Variants in SLC6A5 observed in about 807,000 individuals in gnomAD.
The protein encoded by SLC6A5 is solute carrier family 6 member 5.
Under a neutral mutation model 90.5 loss-of-function variants are expected in SLC6A5, and 58 were observed. That is an observed-to-expected ratio of 0.64 (90% CI 0.52 to 0.80). The LOEUF is 0.80. Ranked by LOEUF, SLC6A5 falls within the 30% of genes least tolerant of loss-of-function variation. SLC6A5 has a pLI of 0.00. For missense variants in SLC6A5, 1,015 were observed against 1,017.6 expected (o/e 1.00, Z 0.03); for synonymous variants, 427 against 401.4 (o/e 1.06, Z -0.76).
chr11:20,612,145 A>C (rs1486704226), intron 5 of SLC6A5, among the ~76,000 whole-genome samples: 1 of 152,218 alleles, frequency 6.6e-6, no homozygotes, highest in Non-Finnish European at 1.5e-5. Flanking sequence ...CATTCTAAGA[A>C]ACTCTGCGGT....
intron 7 of SLC6A5, among the ~76,000 whole-genome samples, chr11:20,622,332 TA>T (rs1852907705): frequency 1.3e-5 from 2 of 152,174 alleles, no homozygotes; most frequent in East Asian, 3.9e-4. Flanking sequence ...AGCCAGTGCC[TA>T]GTGTGCAAAA....
At chr11:20,638,875 G>A (rs912114453) in intron 13 of SLC6A5, among the ~76,000 whole-genome samples, 2 of 152,182 alleles carry the variant, frequency 1.3e-5, no homozygotes, top group African/African-American at 4.8e-5. Flanking sequence ...AGATCAGAAA[G>A]GAGGAGGCTA....
At chr11:20,653,773 C>A (rs1336660402) in intron 15 of SLC6A5, among the ~76,000 whole-genome samples, 1 of 152,214 alleles carries the variant, frequency 6.6e-6, no homozygotes, top group African/African-American at 2.4e-5. Flanking sequence ...ACATAAGCCT[C>A]CCCACCAACT....
At chr11:20,651,822 G>A (rs1000076031) in intron 14 of SLC6A5, among the ~76,000 whole-genome samples, 4 of 151,832 alleles carry the variant, frequency 2.6e-5, no homozygotes, top group African/African-American at 4.8e-5. Flanking sequence ...CAGGAGAATC[G>A]CTTGAACCTG....
At chr11:20,614,983 G>A (rs113395206) in intron 6 of SLC6A5, among the ~76,000 whole-genome samples, 163 bp downstream of exon 6, 29 of 152,336 alleles carry the variant, frequency 1.9e-4, no homozygotes, top group African/African-American at 6.3e-4. Flanking sequence ...TGTGTCTTGT[G>A]AGCCTGGAAA....
At chr11:20,640,245 A>G (rs978959035) in intron 13 of SLC6A5, among the ~76,000 whole-genome samples, 8 of 152,310 alleles carry the variant, frequency 5.3e-5, no homozygotes, top group East Asian at 1.9e-4. Flanking sequence ...TCTCATTTAC[A>G]TCTTCTGTTA....
intron 7 of SLC6A5, among the ~76,000 whole-genome samples, chr11:20,625,948 G>A (rs1032524523): frequency 6.6e-6 from 1 of 152,212 alleles, no homozygotes; most frequent in Non-Finnish European, 1.5e-5. Context: ...TAGGTTAGGA[G>A]TCCCTTCATC....
chr11:20,620,092 A>G (rs10741847), intron 7 of SLC6A5, among the ~76,000 whole-genome samples: 107,401 of 152,128 alleles, frequency 0.71, 37,973 homozygotes, highest in South Asian at 0.78. Context: ...TATATACTCA[A>G]TCAAAATCCC....
intron 7 of SLC6A5, among the ~76,000 whole-genome samples, chr11:20,625,248 C>G (rs1450896714): frequency 6.6e-6 from 1 of 152,090 alleles, no homozygotes; most frequent in African/African-American, 2.4e-5. Flanking sequence ...GCTAATGTTA[C>G]CTCCCAAATG....
chr11:20,629,923 A>G (rs527761625), intron 9 of SLC6A5, among the ~76,000 whole-genome samples: 46 of 151,954 alleles, frequency 3.0e-4, no homozygotes, highest in Non-Finnish European at 5.9e-4. Context: ...GGGTTTCACC[A>G]TGTTGGTGAG....
At chr11:20,601,094 CTT>C (rs1852461858) in intron 1 of SLC6A5, 33 bp from the exon 2 acceptor site, 5 of 1,567,474 alleles carry the variant, frequency 3.2e-6, no homozygotes, top group Non-Finnish European at 4.3e-6. Context: ...GCTGTTGTGA[CTT>C]TGTTTTGCAC....
chr11:20,639,689 A>T (rs1331562472), intron 13 of SLC6A5, among the ~76,000 whole-genome samples: 1 of 152,146 alleles, frequency 6.6e-6, no homozygotes, highest in African/African-American at 2.4e-5. Context: ...TGGAAAACTC[A>T]TTAAAATAAA....
At chr11:20,626,920 C>T in intron 8 of SLC6A5, 78 bp downstream of exon 8, 5 of 1,192,986 alleles carry the variant, frequency 4.2e-6, no homozygotes, top group South Asian at 2.4e-5. Context: ...GGTTAGACTT[C>T]CTCCTCCAGG....
intron 6 of SLC6A5, among the ~76,000 whole-genome samples, chr11:20,615,462 G>C (rs768821372): frequency 1.3e-5 from 2 of 152,064 alleles, no homozygotes; most frequent in Non-Finnish European, 2.9e-5. Context: ...TCTGCCTCTG[G>C]GTTCAAGTTA....
chr11:20,599,902 A>G (rs1852425690), intron 1 of SLC6A5, among the ~76,000 whole-genome samples: 2 of 152,118 alleles, frequency 1.3e-5, no homozygotes, highest in Non-Finnish European at 2.9e-5. Flanking sequence ...TGTGGCTCCT[A>G]AAGACCCGAT....
intron 1 of SLC6A5, 134 bp from the exon 2 acceptor site, chr11:20,600,995 A>T (rs1409056786): frequency 1.2e-6 from 1 of 855,208 alleles, no homozygotes; most frequent in Non-Finnish European, 1.7e-6. Context: ...TTCTTTTAAA[A>T]AAAGTTCAGA....
intron 2 of SLC6A5, among the ~76,000 whole-genome samples, chr11:20,602,210 G>A (rs1204609079): frequency 5.9e-5 from 9 of 152,096 alleles, no homozygotes; most frequent in Non-Finnish European, 1.2e-4. Flanking sequence ...TAGTTTTGGG[G>A]CCTGTCCTTT....
rs1476433242 is a variant in SLC6A5 at position 20,656,536 on chromosome 11, A to C, written c.*1668A>C. ...TTTTTTTTAAAAGATTTCATTTGTT[A>C]AAAAAAGTCTCAACTCATTTTACTG... On this transcript the variant is annotated 3_prime_UTR_variant, in exon 16 of 16. Coordinates refer to ENST00000525748, the MANE Select transcript of SLC6A5 (RefSeq NM_004211.5). 6.6e-6 allele frequency: 1 copy of C among 152,128 alleles called. No individual in the cohort carries two copies. The highest frequency in any genetic ancestry group is 1.5e-5 in the Non-Finnish European group (1 of 68,032). The allele number at this position is 152,128 out of a possible 1,614,324, so 9.4% of individuals were successfully genotyped here. A position where few individuals can be genotyped will look rare whatever the true frequency, so the allele number is the denominator to read the frequency against.
chr11:20,607,865 G>C (rs1852615035), intron 5 of SLC6A5, among the ~76,000 whole-genome samples: 1 of 152,190 alleles, frequency 6.6e-6, no homozygotes, highest in Non-Finnish European at 1.5e-5. Context: ...GTTTGCTTAT[G>C]AATAGCTGAA....
Sources: gnomAD v4.1 joint callset for allele counts (sites outside exome capture counted in the v4.1 genomes callset) on GRCh38, gnomAD v4.1.1 for gene constraint, MANE v1.5 for transcripts, NCBI Gene and HGNC (gene_info 2026-07-23, HGNC 2026-07-21) for gene names.